Variants in TSNARE1 observed in about 807,000 individuals in gnomAD.
TSNARE1 encodes t-SNARE domain containing 1, also known as t-SNARE domain-containing protein 1.
In TSNARE1, 49 loss-of-function variants were observed where a neutral mutation model predicts 62.0. The ratio of observed to expected loss-of-function variants is 0.79; its 90% CI spans 0.63 to 1.00. The LOEUF (loss-of-function observed/expected upper bound fraction) is 1.00, where lower values mean the gene tolerates loss of function less well. TSNARE1 is among the 50% of genes least tolerant of loss of function. TSNARE1 has a pLI of 0.00. For synonymous variants in TSNARE1, 328 were observed against 294.4 expected (o/e 1.11, Z -1.17); for missense variants, 755 against 700.1 (o/e 1.08, Z -0.88).
chr8:142,282,020 G>A (rs986960395), intron 11 of TSNARE1, among the ~76,000 whole-genome samples: 1 of 152,220 alleles, frequency 6.6e-6, no homozygotes, highest in African/African-American at 2.4e-5. Context: ...CTGGCGCTAA[G>A]GTAGGACCTG....
chr8:142,273,453 G>A (rs1176660676), intron 12 of TSNARE1: 1 of 985,242 alleles, frequency 1.0e-6, no homozygotes, highest in East Asian at 1.1e-4. Context: ...TAGAGGTGCT[G>A]GGCCAAGGGC....
chr8:142,290,195 C>T (rs1823519375), intron 10 of TSNARE1, among the ~76,000 whole-genome samples: 2 of 152,056 alleles, frequency 1.3e-5, no homozygotes, highest in Admixed American at 1.3e-4. Flanking sequence ...ACAGAGAGGC[C>T]AAGGCCAGGC....
At chr8:142,312,743 C>T (rs1363004203) in intron 9 of TSNARE1, among the ~76,000 whole-genome samples, 1 of 152,186 alleles carries the variant, frequency 6.6e-6, no homozygotes, top group African/African-American at 2.4e-5. Flanking sequence ...CTGCAATCCC[C>T]TTGTGCTCTA....
intron 1 of TSNARE1, among the ~76,000 whole-genome samples, chr8:142,383,775 T>C (rs781161900): frequency 3.9e-5 from 6 of 152,180 alleles, no homozygotes; most frequent in Non-Finnish European, 5.9e-5. Context: ...TATGGCTACG[T>C]ACATATTTTT....
intron 12 of TSNARE1, among the ~76,000 whole-genome samples, chr8:142,242,857 G>A (rs1404020437): frequency 2.0e-5 from 3 of 150,038 alleles, no homozygotes; most frequent in African/African-American, 7.4e-5. Context: ...AGCTACTCAG[G>A]AGGCTGAAGC....
chr8:142,270,504 T>TATATATATATATATATATATATATA (rs1819433657), intron 12 of TSNARE1: 1 of 864,434 alleles, frequency 1.2e-6, no homozygotes, highest in African/African-American at 2.6e-5. Context: ...ATATATATAT[T>TATATATATATATATATATATATATA]TATGTATTTA....
chr8:142,262,123 G>C lies in TSNARE1; in HGVS notation c.1446+12658C>G, dbSNP rs368564497. Among the ~76,000 whole-genome samples the C allele has an allele frequency of 4.6e-5, 7 of 152,346 alleles. No homozygotes were observed. The East Asian group carries it at 1.3e-3, about 29-fold the overall frequency. On this transcript the variant is annotated intron_variant, in intron 12 of 13. Coordinates refer to ENST00000524325, the MANE Select transcript of TSNARE1 (RefSeq NM_145003.5). ...TCCCCTTCAGGCCTGCGGCGACTCC[G>C]TGGTGGGACAGCAGTCTCTCTACCT...
intron 1 of TSNARE1, among the ~76,000 whole-genome samples, chr8:142,393,598 C>T (rs1008508174): frequency 1.3e-5 from 2 of 152,246 alleles, no homozygotes; most frequent in Admixed American, 6.5e-5. Flanking sequence ...AAACGCCACG[C>T]CCGAAGGTGC....
intron 4 of TSNARE1, among the ~76,000 whole-genome samples, chr8:142,339,455 G>C (rs552126839): frequency 6.6e-6 from 1 of 152,252 alleles, no homozygotes; most frequent in Non-Finnish European, 1.5e-5. Flanking sequence ...GGCAGGCAGG[G>C]GGTGTGGGCC....
chr8:142,402,046 C>G (rs895163029), intron 1 of TSNARE1, among the ~76,000 whole-genome samples: 1 of 152,076 alleles, frequency 6.6e-6, no homozygotes, highest in African/African-American at 2.4e-5. Context: ...ACAAGAAATA[C>G]TGTAGGGAGA....
chr8:142,282,143 T>C (rs548173846), intron 11 of TSNARE1, among the ~76,000 whole-genome samples: 62 of 152,258 alleles, frequency 4.1e-4, no homozygotes, highest in Non-Finnish European at 7.4e-4. Context: ...CAGCCCCTCT[T>C]CTCGTGGATG....
chr8:142,336,838 T>C (rs1831825736), intron 4 of TSNARE1, among the ~76,000 whole-genome samples: 1 of 152,170 alleles, frequency 6.6e-6, no homozygotes, highest in Non-Finnish European at 1.5e-5. Flanking sequence ...AAAAGAGAAC[T>C]AGAAATCAGT....
chr8:142,362,797 G>A (rs894277612), intron 1 of TSNARE1, among the ~76,000 whole-genome samples: 2 of 152,160 alleles, frequency 1.3e-5, no homozygotes, highest in African/African-American at 4.8e-5. Flanking sequence ...TCAACCTCTA[G>A]CTGGATCTCT....
intron 11 of TSNARE1, chr8:142,278,028 T>TG: frequency 1.0e-6 from 1 of 985,316 alleles, no homozygotes; most frequent in South Asian, 4.7e-5. Flanking sequence ...GTGGCCTCAA[T>TG]GGGGGTGGAT....
intron 10 of TSNARE1, among the ~76,000 whole-genome samples, chr8:142,297,261 C>G (rs1824919868): frequency 6.6e-6 from 1 of 152,220 alleles, no homozygotes; most frequent in Admixed American, 6.5e-5. Flanking sequence ...GAGCCCCCAA[C>G]ACAACCCCGA....
chr8:142,323,124 C>A (rs562397546), intron 6 of TSNARE1, among the ~76,000 whole-genome samples: 2 of 152,290 alleles, frequency 1.3e-5, no homozygotes, highest in African/African-American at 4.8e-5. Context: ...TTATTAAAGG[C>A]CAGCCTAGCC....
intron 4 of TSNARE1, among the ~76,000 whole-genome samples, chr8:142,337,780 G>A (rs1306788586): frequency 2.0e-5 from 3 of 152,216 alleles, no homozygotes; most frequent in African/African-American, 7.2e-5. Context: ...ATCACTACAT[G>A]CAGGACGCCA....
At position 142,212,271 on chromosome 8, in the gene TSNARE1, G is replaced by A. The variant is rs979644469; in HGVS notation, c.*54C>T. ...CGGGCCAGGAGGGGTGCTCGGGGCT[G>A]GAGAGCCCACACCACAGCCAGCTGA... On this transcript the variant is annotated 3_prime_UTR_variant, in exon 14 of 14. Coordinates refer to ENST00000524325, the MANE Select transcript of TSNARE1 (RefSeq NM_145003.5). The A allele has an allele frequency of 1.3e-5, 2 of 152,282 alleles. No individual in the cohort carries two copies. The highest frequency in any genetic ancestry group is 4.8e-5 in the African/African-American group (2 of 41,462). The allele number at this position is 152,282 out of a possible 1,614,324, so 9.4% of individuals were successfully genotyped here. A position where few individuals can be genotyped will look rare whatever the true frequency, so the allele number is the denominator to read the frequency against.
chr8:142,223,136 A>ACTCACTC (rs1816532513), intron 13 of TSNARE1, among the ~76,000 whole-genome samples: 2 of 136,316 alleles, frequency 1.5e-5, no homozygotes, highest in African/African-American at 5.6e-5. Flanking sequence ...TCATTCACTC[A>ACTCACTC]TTCACTCATC....
Sources: gnomAD v4.1 joint callset for allele counts (sites outside exome capture counted in the v4.1 genomes callset) on GRCh38, gnomAD v4.1.1 for gene constraint, MANE v1.5 for transcripts, NCBI Gene and HGNC (gene_info 2026-07-23, HGNC 2026-07-21) for gene names.